Variants in SNRNP200 observed in about 807,000 individuals in gnomAD.
SNRNP200 encodes small nuclear ribonucleoprotein U5 subunit 200.
In SNRNP200, 66 loss-of-function variants were observed where a neutral mutation model predicts 255.2. That is an observed-to-expected ratio of 0.26 (90% CI 0.21 to 0.32). SNRNP200 has a LOEUF of 0.32. SNRNP200 is among the 10% of genes least tolerant of loss of function. The pLI, the probability that SNRNP200 is intolerant of heterozygous loss-of-function variation, is 1.00. For missense variants in SNRNP200, 1,585 were observed against 2,749.8 expected, an observed-to-expected ratio of 0.58 and a Z score of 9.47; for synonymous variants, 939 against 1,027.8, an observed-to-expected ratio of 0.91 and a Z score of 1.65.
In SNRNP200 at chr2:96,293,238, C is replaced by T. The variant is rs982705323; in HGVS notation, c.2036+78G>A. On this transcript the variant is annotated intron_variant, in intron 15 of 44. Coordinates refer to ENST00000323853, the MANE Select transcript of SNRNP200 (RefSeq NM_014014.5). ...CCCAAAGGCCCTTCTAAAACCCAACCCAGTAGCACTCCTTGGAAAAGAGGA... is the reference window on the plus strand; with the variant it reads ...CCCAAAGGCCCTTCTAAAACCCAACTCAGTAGCACTCCTTGGAAAAGAGGA... The T allele has an allele frequency of 1.9e-6, 3 of 1,575,042 alleles. No individual in the cohort carries two copies. In the East Asian group the frequency reaches 6.7e-5, roughly 35 times the overall value.
Position 96,295,698 on chromosome 2 carries a change from G to A in SNRNP200, c.1672-40C>T, listed in dbSNP as rs895694339. ...CTACATCAGGCAGGAATGCTTGAAG[G>A]GGCCTGGACACCATGCTTTCTGTTT... On this transcript the variant is annotated intron_variant, in intron 13 of 44. Transcript: ENST00000323853. The A allele has an allele frequency of 6.2e-6, 10 of 1,605,928 alleles. No individual in the cohort carries two copies. In the Admixed American group the frequency reaches 1.5e-4, roughly 24 times the overall value.
intron 24 of SNRNP200, 50 bp downstream of exon 24, chr2:96,288,613 T>C (rs1417193936): frequency 6.0e-6 from 9 of 1,489,196 alleles, no homozygotes; most frequent in Non-Finnish European, 8.4e-6. Context: ...CACACAGGGA[T>C]TGAACTGTTC....
chr2:96,303,024 AG>A lies in SNRNP200; in HGVS notation c.381+134del, dbSNP rs1198558461. On this transcript the variant is annotated intron_variant, in intron 3 of 44. Coordinates refer to ENST00000323853, the MANE Select transcript of SNRNP200 (RefSeq NM_014014.5). ...ACCAGCCTCCATTCTGAACTACCTA[AG>A]TGCTGCCAGCCATCAGTCAACTCAT... 5.4e-6 allele frequency: 5 copies of A among 930,658 alleles called. No individual in the cohort carries two copies. In the East Asian group the frequency reaches 1.2e-4, roughly 22 times the overall value. 57.7% of individuals were successfully genotyped at this position (930,658 alleles called of 1,614,324 possible).
chr2:96,285,377 G>C lies in SNRNP200; in HGVS notation c.4004-37C>G, dbSNP rs766865165. On this transcript the variant is annotated intron_variant, in intron 29 of 44. Transcript: ENST00000323853. ...CAGAAAGAAGCAGTGTAAGTATCAA[G>C]AAGGAAGAAGAGACGGACTGGGACA... 2.9e-5 allele frequency: 47 copies of C among 1,606,976 alleles called. No homozygotes were observed. The Admixed American group carries it at 7.0e-4, about 24-fold the overall frequency.
chr2:96,281,901 G>GCCA lies in SNRNP200; in HGVS notation c.4934_4936dup (p.Val1645dup). ...CATGCCCCAGCAGAGACTCCGAGAA[G>GCCA]CCACCACCACCTGGATAGCCCCTGA... is the stretch of plus-strand genomic sequence containing the variant. On this transcript the variant is annotated inframe_insertion, in exon 35 of 45. Coordinates refer to ENST00000323853, the MANE Select transcript of SNRNP200 (RefSeq NM_014014.5). 1 of 1,614,098 alleles carries GCCA rather than the reference G, an allele frequency of 6.2e-7. No homozygotes were observed. The highest frequency in any genetic ancestry group is 2.2e-5 in the East Asian group (1 of 44,884).
Position 96,278,138 on chromosome 2 carries a change from T to C in SNRNP200, c.5610+99A>G, listed in dbSNP as rs1234083400. On this transcript the variant is annotated intron_variant, in intron 39 of 44. Coordinates refer to ENST00000323853, the MANE Select transcript of SNRNP200 (RefSeq NM_014014.5). The surrounding 1 kb of genome is among the most constrained non-coding windows in gnomAD (Gnocchi z 6.9). ...AGGACATATGGCGGGGGTCGGGGGA[T>C]GCGTATGGGCGTGTTGGTGGCAGGG... 3.7e-5 allele frequency: 59 copies of C among 1,585,890 alleles called. No homozygotes were observed. The highest frequency in any genetic ancestry group is 4.9e-5 in the Non-Finnish European group (57 of 1,156,878).
chr2:96,282,752 T>A (rs2063810893), intron 34 of SNRNP200: 1 of 291,124 alleles, frequency 3.4e-6, no homozygotes, highest in Non-Finnish European at 6.7e-6. Context: ...TTGCCTTCCC[T>A]GAGGCCTTCC....
Position 96,295,677 on chromosome 2 carries a change from A to T in SNRNP200, c.1672-19T>A. Reference sequence around the variant, plus strand: ...CCAGGCGCTGTGGGAGGAAAACTACATCAGGCAGGAATGCTTGAAGGGGCC... The same window carrying T: ...CCAGGCGCTGTGGGAGGAAAACTACTTCAGGCAGGAATGCTTGAAGGGGCC... On this transcript the variant is annotated intron_variant, in intron 13 of 44. Transcript: ENST00000323853. 6.2e-7 allele frequency: 1 copy of T among 1,612,460 alleles called. No homozygotes were observed. Among genetic ancestry groups the T allele is most frequent in the Non-Finnish European group, 8.5e-7 (1 of 1,179,874 alleles).
Position 96,277,383 on chromosome 2 carries a change from T to C in SNRNP200, c.5932-142A>G, listed in dbSNP as rs1573987743. The C allele has an allele frequency of 7.9e-7, 1 of 1,264,000 alleles. No individual in the cohort carries two copies. The highest frequency in any genetic ancestry group is 2.3e-5 in the East Asian group (1 of 42,922). 78.3% of individuals were successfully genotyped at this position (1,264,000 alleles called of 1,614,324 possible). A position where few individuals can be genotyped will look rare whatever the true frequency, so the allele number is the denominator to read the frequency against. On this transcript the variant is annotated intron_variant, in intron 41 of 44. Transcript: ENST00000323853. This position sits in a 1 kb window ranked among gnomAD's most constrained non-coding sequence, Gnocchi z 4.4. ...GCTGCAGAAAGAACACAGCCCACAGTTGGCAGGCTCTCTAGCATCTCAACA... is the reference window on the plus strand; with the variant it reads ...GCTGCAGAAAGAACACAGCCCACAGCTGGCAGGCTCTCTAGCATCTCAACA...
At position 96,283,130 on chromosome 2, in the gene SNRNP200, C is replaced by G. The variant is rs538817810; in HGVS notation, c.4915+71G>C. ...ATGCTGTAGAGAAAACACTGCCACC[C>G]GCACCCCTCAAGTTTAACACCACCA... On this transcript the variant is annotated intron_variant, in intron 34 of 44. Coordinates refer to ENST00000323853, the MANE Select transcript of SNRNP200 (RefSeq NM_014014.5). This position sits in a 1 kb window ranked among gnomAD's most constrained non-coding sequence, Gnocchi z 4.7. 5 of 1,584,384 alleles carry G rather than the reference C, an allele frequency of 3.2e-6. No individual in the cohort carries two copies. The highest frequency in any genetic ancestry group is 4.3e-6 in the Non-Finnish European group (5 of 1,158,838).
intron 8 of SNRNP200, 65 bp from the exon 9 acceptor site, chr2:96,298,485 G>A: frequency 6.2e-7 from 1 of 1,611,026 alleles, no homozygotes. Flanking sequence ...CCATCCTCAG[G>A]GTAGAAAGAA....
At chr2:96,281,986 C>T in intron 34 of SNRNP200, 64 bp from the exon 35 acceptor site, 1 of 1,278,084 alleles carries the variant, frequency 7.8e-7, no homozygotes, top group Non-Finnish European at 1.1e-6. Context: ...GGCTCACTGC[C>T]TCATGGGCAG....
At position 96,283,511 on chromosome 2, in the gene SNRNP200, C is replaced by T. The variant is rs544841085; in HGVS notation, c.4763+24G>A. 1.9e-6 allele frequency: 3 copies of T among 1,614,076 alleles called. No individual in the cohort carries two copies. The South Asian group carries it at 3.3e-5, about 18-fold the overall frequency. ...CAGCCTCACTTAACCTAACCCCAACCCCCAGACGCCAGGCCCCACCTACCT... is the reference window on the plus strand; with the variant it reads ...CAGCCTCACTTAACCTAACCCCAACTCCCAGACGCCAGGCCCCACCTACCT... On this transcript the variant is annotated intron_variant, in intron 33 of 44. Coordinates refer to ENST00000323853, the MANE Select transcript of SNRNP200 (RefSeq NM_014014.5). This position sits in a 1 kb window ranked among gnomAD's most constrained non-coding sequence, Gnocchi z 4.7.
Position 96,277,995 on chromosome 2 carries a change from G to A in SNRNP200, c.5611-45C>T, listed in dbSNP as rs1671513463. 2 of 1,613,786 alleles carry A rather than the reference G, an allele frequency of 1.2e-6. No individual in the cohort carries two copies. The highest frequency in any genetic ancestry group is 1.7e-6 in the Non-Finnish European group (2 of 1,179,878). Reference sequence around the variant, plus strand: ...TAGCTGGTGATGAACAGGTGACCCTGCCTGAGACCAGCTCAGGCCAAAGCA... The same window carrying A: ...TAGCTGGTGATGAACAGGTGACCCTACCTGAGACCAGCTCAGGCCAAAGCA... On this transcript the variant is annotated intron_variant, in intron 39 of 44. Transcript: ENST00000323853. This position sits in a 1 kb window ranked among gnomAD's most constrained non-coding sequence, Gnocchi z 4.4.
rs1007655093 is a variant in SNRNP200, at chr2:96,290,670, A to C, written c.2553+14T>G. 5 of 1,614,032 alleles carry C rather than the reference A, an allele frequency of 3.1e-6. No homozygotes were observed. The Admixed American group carries it at 8.3e-5, about 27-fold the overall frequency. ...ACTGATCCCTGCTGAGAATAAACTC[A>C]AAAGGCTCTGTACCTGCAGAATGTC... is the stretch of plus-strand genomic sequence containing the variant. On this transcript the variant is annotated intron_variant, in intron 19 of 44. Transcript: ENST00000323853. This position sits in a 1 kb window ranked among gnomAD's most constrained non-coding sequence, Gnocchi z 4.5.
intron 14 of SNRNP200, 142 bp downstream of exon 14, chr2:96,295,346 C>T (rs2063910233): frequency 6.9e-7 from 1 of 1,458,380 alleles, no homozygotes; most frequent in Admixed American, 1.7e-5. Context: ...GAAGATGGAT[C>T]TCATCCTACG....
At chr2:96,299,890 C>T (rs2063942006) in intron 5 of SNRNP200, among the ~76,000 whole-genome samples, 1 of 152,228 alleles carries the variant, frequency 6.6e-6, no homozygotes. Context: ...ATAATGAGCA[C>T]TGTTAAATGA....
chr2:96,295,429 C>T (rs1304390353), intron 14 of SNRNP200, 59 bp downstream of exon 14: 4 of 1,602,542 alleles, frequency 2.5e-6, no homozygotes, highest in Non-Finnish European at 3.4e-6. Context: ...CGCATGAAAA[C>T]CCAGCAAACC....
At chr2:96,284,632 C>A in intron 30 of SNRNP200, 47 bp from the exon 31 acceptor site, 4 of 1,334,298 alleles carry the variant, frequency 3.0e-6, no homozygotes, top group Non-Finnish European at 4.3e-6. Flanking sequence ...CCATACCAGG[C>A]ATCTTTCACT....
Sources: gnomAD v4.1 joint callset for allele counts (sites outside exome capture counted in the v4.1 genomes callset) on GRCh38, gnomAD v4.1.1 for gene constraint, Gnocchi (gnomAD v3.1) non-coding constraint, MANE v1.5 for transcripts, NCBI Gene and HGNC (gene_info 2026-07-23, HGNC 2026-07-21) for gene names.